The following RANBP17 variants were observed in gnomAD, a reference collection of about 807,000 sequenced individuals.
RANBP17 encodes RAN binding protein 17, also known as ran-binding protein 17.
Under a neutral mutation model 141.2 loss-of-function variants are expected in RANBP17, and 158 were observed. That is an observed-to-expected ratio of 1.12 (90% CI 0.98 to 1.28). RANBP17 has a LOEUF of 1.28. Ranked by LOEUF, RANBP17 falls within the 50% of genes most tolerant of loss-of-function variation. The pLI is 0.00. For synonymous variants in RANBP17, 430 were observed against 450.0 expected (o/e 0.96, Z 0.56); for missense variants, 1,438 against 1,290.7 (o/e 1.11, Z -1.75).
At position 170,921,012 on chromosome 5, in the gene RANBP17, T is replaced by G. The variant is rs953188816; in HGVS notation, c.1274+1399T>G. ...TTAGCCTTTTGTCAGATGGATAGAT[T>G]GCAAAGATTTTCTCCCATTCTGTAG... On this transcript the variant is annotated intron_variant, in intron 11 of 27. Transcript: ENST00000523189. 2.0e-5 allele frequency among the ~76,000 whole-genome samples: 3 copies of G among 152,328 alleles called. No homozygotes were observed. In the South Asian group the frequency reaches 6.2e-4, roughly 32 times the overall value.
At chr5:171,130,431 C>CTTTTTTTTTTTT (rs72051535) in intron 14 of RANBP17, among the ~76,000 whole-genome samples, 3 of 90,018 alleles carry the variant, frequency 3.3e-5, no homozygotes, top group African/African-American at 4.4e-5. Flanking sequence ...TTTAAAAAGA[C>CTTTTTTTTTTTT]TTTTTTTTTT....
intron 14 of RANBP17, among the ~76,000 whole-genome samples, chr5:171,169,392 T>A (rs886621523): frequency 6.6e-6 from 1 of 152,106 alleles, no homozygotes; most frequent in African/African-American, 2.4e-5. Flanking sequence ...GCCAGGCTAG[T>A]AAGGGGTATA....
chr5:170,966,652 C>G (rs1433305969), intron 13 of RANBP17, among the ~76,000 whole-genome samples: 3 of 152,024 alleles, frequency 2.0e-5, no homozygotes, highest in Non-Finnish European at 4.4e-5. Context: ...GATGCCCTCT[C>G]TCACCACTCC....
At chr5:171,095,385 A>T (rs1561649121) in intron 14 of RANBP17, among the ~76,000 whole-genome samples, 1 of 152,208 alleles carries the variant, frequency 6.6e-6, no homozygotes, top group Non-Finnish European at 1.5e-5. Context: ...CAACAGGTAC[A>T]GAAATAGGCT....
At chr5:171,031,961 T>C (rs182977832) in intron 14 of RANBP17, among the ~76,000 whole-genome samples, 11 of 152,228 alleles carry the variant, frequency 7.2e-5, no homozygotes, top group African/African-American at 2.6e-4. Context: ...TGCCAAAGTC[T>C]TATTTGGCTA....
At chr5:171,286,761 C>A (rs933993616) in intron 25 of RANBP17, among the ~76,000 whole-genome samples, 1 of 152,118 alleles carries the variant, frequency 6.6e-6, no homozygotes, top group Non-Finnish European at 1.5e-5. Flanking sequence ...TGACAGAAAC[C>A]CCCTTACTTC....
intron 24 of RANBP17, 188 bp downstream of exon 24, chr5:171,243,008 G>T: frequency 1.7e-6 from 1 of 603,174 alleles, no homozygotes; most frequent in Non-Finnish European, 2.9e-6. Context: ...AGTCAGTTAT[G>T]TTTTAATCAG....
In RANBP17 at chr5:171,035,720, T is replaced by C. The variant is rs549780948; in HGVS notation, c.1710+67343T>C. Among the ~76,000 whole-genome samples, 7 of 147,094 alleles carry C rather than the reference T, an allele frequency of 4.8e-5. No homozygotes were observed. In the South Asian group the frequency reaches 1.5e-3, roughly 31 times the overall value. On this transcript the variant is annotated intron_variant, in intron 14 of 27. Transcript: ENST00000523189. ...CTGAACTTTTAGCCATTGTTTGCAC[T>C]GTTTGTTTCTTTTTTTGTTTTTTTT...
intron 14 of RANBP17, among the ~76,000 whole-genome samples, chr5:170,973,194 T>A (rs573852800): frequency 6.6e-6 from 1 of 152,262 alleles, no homozygotes; most frequent in Admixed American, 6.5e-5. Context: ...GGAAAAAAAA[T>A]TATAAAATTG....
intron 14 of RANBP17, among the ~76,000 whole-genome samples, chr5:171,086,447 G>A (rs1443223723): frequency 4.1e-4 from 61 of 147,768 alleles, no homozygotes; most frequent in South Asian, 1.1e-3. Context: ...GTCTCTGCCA[G>A]GCTTTGGTAT....
chr5:171,187,844 G>A (rs1310704948), intron 18 of RANBP17, among the ~76,000 whole-genome samples: 2 of 152,192 alleles, frequency 1.3e-5, no homozygotes, highest in East Asian at 1.9e-4. Flanking sequence ...AGAGGGTTCA[G>A]TCAGTGGCAA....
intron 22 of RANBP17, among the ~76,000 whole-genome samples, chr5:171,229,196 G>A (rs1243984871): frequency 6.6e-6 from 1 of 152,188 alleles, no homozygotes; most frequent in East Asian, 1.9e-4. Context: ...AGTTGGTTAA[G>A]GCATATAATA....
chr5:171,113,245 G>T (rs940948311), intron 14 of RANBP17, among the ~76,000 whole-genome samples: 5 of 152,070 alleles, frequency 3.3e-5, no homozygotes, highest in Admixed American at 3.3e-4. Context: ...ACTACCAATG[G>T]TTAATTTGTT....
At chr5:171,291,745 C>G (rs1011842863) in intron 25 of RANBP17, among the ~76,000 whole-genome samples, 1 of 152,036 alleles carries the variant, frequency 6.6e-6, no homozygotes, top group Non-Finnish European at 1.5e-5. Context: ...AAAAATAATT[C>G]TGGATATGGG....
chr5:170,947,897 A>G (rs1177015178), intron 12 of RANBP17, among the ~76,000 whole-genome samples: 1 of 152,182 alleles, frequency 6.6e-6, no homozygotes, highest in Non-Finnish European at 1.5e-5. Context: ...TAGGCACAGT[A>G]CTAGGATGGC....
intron 14 of RANBP17, among the ~76,000 whole-genome samples, chr5:171,033,301 T>C (rs1272853996): frequency 6.6e-6 from 1 of 152,184 alleles, no homozygotes; most frequent in Non-Finnish European, 1.5e-5. Flanking sequence ...AATGTATTAA[T>C]GCAGCAATAT....
At chr5:171,029,540 T>G (rs1781428897) in intron 14 of RANBP17, among the ~76,000 whole-genome samples, 1 of 152,088 alleles carries the variant, frequency 6.6e-6, no homozygotes, top group Non-Finnish European at 1.5e-5. Flanking sequence ...ATTCTTTCCT[T>G]TAATGTCAAA....
At chr5:171,160,571 AT>A (rs993569182) in intron 14 of RANBP17, among the ~76,000 whole-genome samples, 16 of 152,148 alleles carry the variant, frequency 1.1e-4, no homozygotes, top group Non-Finnish European at 1.5e-5. Flanking sequence ...CTTGCTCAAA[AT>A]TACTTAGTAA....
chr5:171,075,540 C>T (rs1784865915), intron 14 of RANBP17, among the ~76,000 whole-genome samples: 1 of 152,132 alleles, frequency 6.6e-6, no homozygotes, highest in African/African-American at 2.4e-5. Flanking sequence ...GGGCTGGATA[C>T]AGGGAGGCTT....
Sources: gnomAD v4.1 joint callset for allele counts (sites outside exome capture counted in the v4.1 genomes callset) on GRCh38, gnomAD v4.1.1 for gene constraint, MANE v1.5 for transcripts, NCBI Gene and HGNC (gene_info 2026-07-23, HGNC 2026-07-21) for gene names.